COMMD10: variants seen among roughly 807,000 people sequenced by gnomAD.
COMMD10 encodes the protein COMM domain-containing protein 10.
A neutral mutation model predicts 28.9 loss-of-function variants in COMMD10; 33 were observed. That is an observed-to-expected ratio of 1.14 (90% confidence interval 0.87 to 1.53). The LOEUF (loss-of-function observed/expected upper bound fraction) is 1.53. COMMD10 is among the 40% of genes most tolerant of loss of function. The probability of loss-of-function intolerance (pLI) is 0.00; values close to 1 mark genes in which losing one functional copy is unlikely to be tolerated. For synonymous variants in COMMD10, 110 were observed against 81.7 expected (o/e 1.35, Z -1.87); for missense variants, 310 against 233.4 (o/e 1.33, Z -2.14).
intron 5 of COMMD10, among the ~76,000 whole-genome samples, chr5:116,223,723 C>G (rs1163369116): frequency 2.6e-5 from 4 of 152,078 alleles, no homozygotes; most frequent in African/African-American, 9.7e-5. Flanking sequence ...TCTGAAGCGA[C>G]TATAATGTAT....
At chr5:116,249,232 T>C (rs939980106) in intron 5 of COMMD10, among the ~76,000 whole-genome samples, 5 of 151,916 alleles carry the variant, frequency 3.3e-5, no homozygotes, top group African/African-American at 1.2e-4. Flanking sequence ...GAAATATTCT[T>C]TAATTTTGTT....
chr5:116,196,667 G>A (rs1748531201), intron 5 of COMMD10, among the ~76,000 whole-genome samples: 1 of 151,852 alleles, frequency 6.6e-6, no homozygotes, highest in African/African-American at 2.4e-5. Context: ...ATTTAAGGCT[G>A]TGTGCAGTAT....
chr5:116,142,915 T>A (rs115858532), intron 5 of COMMD10, among the ~76,000 whole-genome samples: 2,413 of 151,802 alleles, frequency 0.016, 65 homozygotes, highest in African/African-American at 0.056. Context: ...TATTTAAATA[T>A]TTTTAAGGCT....
intron 5 of COMMD10, among the ~76,000 whole-genome samples, chr5:116,137,318 G>A (rs975623888): frequency 6.6e-6 from 1 of 152,008 alleles, no homozygotes; most frequent in Non-Finnish European, 1.5e-5. Context: ...TGAGGGTATA[G>A]AGCATGTTTT....
chr5:116,140,752 C>G (rs1368366416), intron 5 of COMMD10, among the ~76,000 whole-genome samples: 1 of 151,454 alleles, frequency 6.6e-6, no homozygotes, highest in Non-Finnish European at 1.5e-5. Flanking sequence ...GGTTCTTTGC[C>G]CCTTTTAAAA....
At chr5:116,288,140 T>C (rs1202549881) in intron 5 of COMMD10, among the ~76,000 whole-genome samples, 1 of 151,896 alleles carries the variant, frequency 6.6e-6, no homozygotes, top group African/African-American at 2.4e-5. Context: ...CTCCCATGGC[T>C]TTTCTTTATC....
chr5:116,228,917 G>C (rs1580565486), intron 5 of COMMD10, among the ~76,000 whole-genome samples: 1 of 151,862 alleles, frequency 6.6e-6, no homozygotes, highest in Non-Finnish European at 1.5e-5. Context: ...CTTAGTGTGG[G>C]AATCATATTT....
chr5:116,161,930 T>C (rs1407868432), intron 5 of COMMD10, among the ~76,000 whole-genome samples: 1 of 152,224 alleles, frequency 6.6e-6, no homozygotes, highest in Admixed American at 6.5e-5. Context: ...TCTGAAAATA[T>C]GCTGCTAGTT....
At position 116,102,774 on chromosome 5, in the gene COMMD10, G is replaced by A. The variant is rs558433648; in HGVS notation, c.399+10074G>A. Among the ~76,000 whole-genome samples, 14 of 152,176 alleles carry A rather than the reference G, an allele frequency of 9.2e-5. No homozygotes were observed. The South Asian group carries it at 1.0e-3, about 11-fold the overall frequency. On this transcript the variant is annotated intron_variant, in intron 4 of 6. Coordinates refer to ENST00000274458, the MANE Select transcript of COMMD10 (RefSeq NM_016144.4). ...AGTGGTTTGCTGCACCCATCAACCC[G>A]TCATCTACATTAGGTATTTCTCCTA...
intron 5 of COMMD10, among the ~76,000 whole-genome samples, chr5:116,168,399 C>T (rs1177339153): frequency 1.3e-5 from 2 of 152,132 alleles, no homozygotes; most frequent in Non-Finnish European, 2.9e-5. Context: ...GAGACTTTAA[C>T]ACCACACTTT....
chr5:116,255,031 T>G (rs1459879480), intron 5 of COMMD10, among the ~76,000 whole-genome samples: 1 of 151,672 alleles, frequency 6.6e-6, no homozygotes, highest in African/African-American at 2.4e-5. Context: ...CTTGTTGAAT[T>G]GATCCCTTTA....
intron 5 of COMMD10, among the ~76,000 whole-genome samples, chr5:116,174,596 T>A (rs1335558244): frequency 6.8e-6 from 1 of 147,088 alleles, no homozygotes; most frequent in Non-Finnish European, 1.5e-5. Flanking sequence ...GTGGAGGTAG[T>A]GAAAGGGGAA....
intron 5 of COMMD10, among the ~76,000 whole-genome samples, chr5:116,167,027 G>C (rs1753143240): frequency 6.6e-6 from 1 of 152,034 alleles, no homozygotes. Flanking sequence ...GTGGGCTTCA[G>C]AAAATGGGTT....
chr5:116,155,872 AAATTT>A (rs1195818804), intron 5 of COMMD10, among the ~76,000 whole-genome samples: 2 of 152,126 alleles, frequency 1.3e-5, no homozygotes, highest in African/African-American at 2.4e-5. Flanking sequence ...TAGAACCATT[AAATTT>A]AATATATCAC....
At chr5:116,259,648 A>G (rs1018439729) in intron 5 of COMMD10, among the ~76,000 whole-genome samples, 8 of 151,812 alleles carry the variant, frequency 5.3e-5, no homozygotes, top group Admixed American at 1.3e-4. Context: ...TACTTCTTGT[A>G]CTATGTAGAT....
chr5:116,130,058 G>C (rs1751815289), intron 4 of COMMD10, among the ~76,000 whole-genome samples: 1 of 151,222 alleles, frequency 6.6e-6, no homozygotes. Flanking sequence ...ATTTTTCAAT[G>C]ACAAAGTTTA....
intron 5 of COMMD10, among the ~76,000 whole-genome samples, chr5:116,205,033 G>C (rs1184241594): frequency 6.6e-6 from 1 of 152,108 alleles, no homozygotes; most frequent in Non-Finnish European, 1.5e-5. Context: ...TGCTAAATGA[G>C]ACTAGTAAAA....
rs893675233 is a variant in COMMD10 at position 116,173,278 on chromosome 5, G to A, written c.510+39100G>A. Among the ~76,000 whole-genome samples the A allele has an allele frequency of 5.3e-5, 8 of 152,016 alleles. No individual in the cohort carries two copies. In the East Asian group the frequency reaches 1.5e-3, roughly 29 times the overall value. On this transcript the variant is annotated intron_variant, in intron 5 of 6. Coordinates refer to ENST00000274458, the MANE Select transcript of COMMD10 (RefSeq NM_016144.4). The stretch of plus-strand genomic sequence containing the variant: ...AAATTCCTAAGTTATACTTCCTCTA[G>A]CAGTGATATATCAGCGTTATTTCTA...
Position 116,087,502 on chromosome 5 carries a change from A to G in COMMD10, c.47A>G (p.Lys16Arg), listed in dbSNP as rs181454362. 2 of 1,603,188 alleles carry G rather than the reference A, an allele frequency of 1.2e-6. No homozygotes were observed. Among genetic ancestry groups the G allele is most frequent in the African/African-American group, 1.3e-5 (1 of 74,854 alleles). ...ALILRESPSMKKAVSLINAID... is the reference protein window; with the variant it reads ...ALILRESPSMRKAVSLINAID... Reference sequence around the variant, plus strand: ...TGTTTTATAATTTTGTTTAGCATGAAGAAAGCAGTGTCACTGATAAATGCA... The same window carrying G: ...TGTTTTATAATTTTGTTTAGCATGAGGAAAGCAGTGTCACTGATAAATGCA... Residue 16 changes from lysine to arginine, a missense_variant, in exon 2 of 7, where the codon AAG (lysine) becomes AGG (arginine). Physicochemically the swap from Lys to Arg is conservative, Grantham distance 26. Transcript: ENST00000274458.
Sources: gnomAD v4.1 joint callset for allele counts (sites outside exome capture counted in the v4.1 genomes callset) on GRCh38, gnomAD v4.1.1 for gene constraint, MANE v1.5 for transcripts, NCBI Gene and HGNC (gene_info 2026-07-23, HGNC 2026-07-21) for gene names.